SYT16: variants seen among roughly 807,000 people sequenced by gnomAD.
The protein encoded by SYT16 is synaptotagmin 16.
A neutral mutation model predicts 61.4 loss-of-function variants in SYT16; 42 were observed. That is an observed-to-expected ratio of 0.68 (90% CI 0.53 to 0.89). SYT16 has a LOEUF of 0.89. SYT16 is among the 40% of genes least tolerant of loss of function. SYT16 has a pLI of 0.00. For missense variants in SYT16, 804 were observed against 807.3 expected (o/e 1.00, Z 0.05); for synonymous variants, 314 against 302.3 (o/e 1.04, Z -0.40).
At chr14:61,853,076 G>A (rs1412937188) in intron 1 of SYT16, among the ~76,000 whole-genome samples, 1 of 152,058 alleles carries the variant, frequency 6.6e-6, no homozygotes, top group African/African-American at 2.4e-5. Flanking sequence ...CTGCCACCAT[G>A]CCCAACTAAT....
chr14:62,048,314 G>A (rs1340285535), intron 3 of SYT16, among the ~76,000 whole-genome samples: 2 of 152,186 alleles, frequency 1.3e-5, no homozygotes, highest in African/African-American at 2.4e-5. Flanking sequence ...TGTGGGATCA[G>A]TGGTGATATC....
chr14:61,914,668 A>T (rs146472648), intron 1 of SYT16, among the ~76,000 whole-genome samples: 1 of 152,288 alleles, frequency 6.6e-6, no homozygotes, highest in Non-Finnish European at 1.5e-5. Flanking sequence ...CAGTCTATCT[A>T]TCAGTCATCC....
At chr14:62,060,453 A>G (rs1400550254) in intron 3 of SYT16, among the ~76,000 whole-genome samples, 1 of 151,284 alleles carries the variant, frequency 6.6e-6, no homozygotes, top group Non-Finnish European at 1.5e-5. Context: ...ATAGGGTTTT[A>G]GTAGATTCCC....
chr14:61,846,463 T>C (rs1167867562), intron 1 of SYT16, among the ~76,000 whole-genome samples: 1 of 152,190 alleles, frequency 6.6e-6, no homozygotes, highest in Non-Finnish European at 1.5e-5. Context: ...TTTTGTCTGA[T>C]ATAAGTATAG....
rs570264541 is a variant in SYT16 at position 62,106,717 on chromosome 14, G to C, written c.*6010G>C. 4.6e-5 allele frequency: 7 copies of C among 152,252 alleles called. No individual in the cohort carries two copies. Among genetic ancestry groups the C allele is most frequent in the Admixed American group, 2.6e-4 (4 of 15,292 alleles). The allele number at this position is 152,252 out of a possible 1,614,324, so 9.4% of individuals were successfully genotyped here. On this transcript the variant is annotated 3_prime_UTR_variant, in exon 8 of 8. Coordinates refer to ENST00000683842, the MANE Select transcript of SYT16 (RefSeq NM_001367656.1). Reference sequence around the variant, plus strand: ...TTTGGGGATGCCTGCAGGCTCAGGGGGAGTTTCCTCTCCTATGGTGCTTTG... The same window carrying C: ...TTTGGGGATGCCTGCAGGCTCAGGGCGAGTTTCCTCTCCTATGGTGCTTTG...
At chr14:61,958,227 CA>C (rs1157606551) in intron 1 of SYT16, among the ~76,000 whole-genome samples, 1 of 151,486 alleles carries the variant, frequency 6.6e-6, no homozygotes, top group Non-Finnish European at 1.5e-5. Flanking sequence ...AAAAACAACT[CA>C]GTTTTTTCAG....
At chr14:61,948,768 A>T (rs1268729843) in intron 1 of SYT16, among the ~76,000 whole-genome samples, 1 of 152,212 alleles carries the variant, frequency 6.6e-6, no homozygotes, top group Non-Finnish European at 1.5e-5. Flanking sequence ...AATCTTGAAG[A>T]TCATAAAAAC....
rs761470431 is a variant in SYT16, at chr14:62,106,848, C to T, written c.*6141C>T. 2.0e-5 allele frequency: 3 copies of T among 152,144 alleles called. No individual in the cohort carries two copies. The highest frequency in any genetic ancestry group is 4.4e-5 in the Non-Finnish European group (3 of 68,042). The allele number at this position is 152,144 out of a possible 1,614,324, so 9.4% of individuals were successfully genotyped here. ...ACCTGTGAAACAGCTCGAGGCTTTA[C>T]AGAACAAGCTCATAGGCAGTCATGG... On this transcript the variant is annotated 3_prime_UTR_variant, in exon 8 of 8. Coordinates refer to ENST00000683842, the MANE Select transcript of SYT16 (RefSeq NM_001367656.1).
intron 6 of SYT16, among the ~76,000 whole-genome samples, chr14:62,083,490 G>A (rs866670939): frequency 6.6e-6 from 1 of 152,238 alleles, no homozygotes. Context: ...CTCAGGAGAA[G>A]CGTGCCCATG....
At position 61,827,166 on chromosome 14, in the gene SYT16, G is replaced by A. The variant is rs74057509; in HGVS notation, c.-325+14356G>A. The stretch of plus-strand genomic sequence containing the variant: ...GGAATAGTCCTCTGGCTTCATTGTT[G>A]GCTGCTGGATCTGGTGGAGGCTTGG... On this transcript the variant is annotated intron_variant, in intron 1 of 7. Transcript: ENST00000683842. Among the ~76,000 whole-genome samples the A allele has an allele frequency of 5.7e-3, 871 of 152,268 alleles. 5 individuals carry two copies. The highest frequency in any genetic ancestry group is 0.02 in the African/African-American group (831 of 41,544).
chr14:61,816,885 C>T (rs897277753), intron 1 of SYT16, among the ~76,000 whole-genome samples: 6 of 151,838 alleles, frequency 4.0e-5, no homozygotes, highest in African/African-American at 1.5e-4. Context: ...GTGGCGGGCG[C>T]TTGTAGTCCC....
At chr14:61,934,729 T>C (rs2049908618) in intron 1 of SYT16, among the ~76,000 whole-genome samples, 1 of 152,328 alleles carries the variant, frequency 6.6e-6, no homozygotes, top group Admixed American at 6.5e-5. Flanking sequence ...CAAATCCTGT[T>C]TCCTTACCTG....
chr14:61,817,501 A>G (rs1226523758), intron 1 of SYT16, among the ~76,000 whole-genome samples: 2 of 152,118 alleles, frequency 1.3e-5, no homozygotes, highest in Non-Finnish European at 2.9e-5. Context: ...ACACAATGCC[A>G]CTTACTGTGC....
chr14:61,832,561 C>G (rs527923172), intron 1 of SYT16, among the ~76,000 whole-genome samples: 1 of 152,108 alleles, frequency 6.6e-6, no homozygotes, highest in African/African-American at 2.4e-5. Context: ...CTCAGCCTCC[C>G]GAGTAGCTGG....
chr14:62,026,884 G>A (rs1388816422), intron 3 of SYT16, among the ~76,000 whole-genome samples: 4 of 152,062 alleles, frequency 2.6e-5, no homozygotes, highest in African/African-American at 4.8e-5. Flanking sequence ...GAAGTTTTAT[G>A]TACCTGAAGC....
In SYT16 at chr14:62,109,825, C is replaced by A. The variant is rs2057576413; in HGVS notation, c.*9118C>A. On this transcript the variant is annotated 3_prime_UTR_variant, in exon 8 of 8. Coordinates refer to ENST00000683842, the MANE Select transcript of SYT16 (RefSeq NM_001367656.1). ...CTAGTTTATATGACTTTACATTTACCACTCCTGCCAAGAGAAAGGAAGCTT... is the reference window on the plus strand; with the variant it reads ...CTAGTTTATATGACTTTACATTTACAACTCCTGCCAAGAGAAAGGAAGCTT... 1 of 152,080 alleles carries A rather than the reference C, an allele frequency of 6.6e-6. No homozygotes were observed. The highest frequency in any genetic ancestry group is 1.5e-5 in the Non-Finnish European group (1 of 67,980). The allele number at this position is 152,080 out of a possible 1,614,324, so 9.4% of individuals were successfully genotyped here.
chr14:61,935,404 G>A (rs1033696472), intron 1 of SYT16, among the ~76,000 whole-genome samples: 3 of 152,076 alleles, frequency 2.0e-5, no homozygotes, highest in African/African-American at 7.2e-5. Context: ...TAGTTTGGTT[G>A]CATTTTTTAG....
At chr14:61,959,059 T>G (rs1041412850) in intron 1 of SYT16, among the ~76,000 whole-genome samples, 2 of 152,148 alleles carry the variant, frequency 1.3e-5, no homozygotes, top group Admixed American at 1.3e-4. Context: ...CTAATATGAG[T>G]ATAGCCACTT....
At chr14:61,905,535 A>C (rs1238975898) in intron 1 of SYT16, among the ~76,000 whole-genome samples, 1 of 152,170 alleles carries the variant, frequency 6.6e-6, no homozygotes, top group African/African-American at 2.4e-5. Context: ...GTGTGGCTGG[A>C]AGTGTTGTAA....
Sources: gnomAD v4.1 joint callset for allele counts (sites outside exome capture counted in the v4.1 genomes callset) on GRCh38, gnomAD v4.1.1 for gene constraint, MANE v1.5 for transcripts, NCBI Gene and HGNC (gene_info 2026-07-23, HGNC 2026-07-21) for gene names.